Variants in MTHFD1L observed in about 807,000 individuals in gnomAD.
MTHFD1L encodes the protein monofunctional C1-tetrahydrofolate synthase, mitochondrial.
In MTHFD1L, 81 loss-of-function variants were observed where a neutral mutation model predicts 119.5. The ratio of observed to expected loss-of-function variants is 0.68; its 90% CI spans 0.57 to 0.82. The LOEUF (loss-of-function observed/expected upper bound fraction) is 0.82, where lower values mean the gene tolerates loss of function less well. Among genes scored for constraint, MTHFD1L ranks in the 40% least tolerant of loss-of-function variants. The pLI, the probability that MTHFD1L is intolerant of heterozygous loss-of-function variation, is 0.00. For synonymous variants in MTHFD1L, 430 were observed against 475.2 expected, an observed-to-expected ratio of 0.90 and a Z score of 1.24; for missense variants, 1,125 against 1,253.4, an observed-to-expected ratio of 0.90 and a Z score of 1.55.
rs1027877418 is a variant in MTHFD1L at position 151,088,634 on chromosome 6, T to TTTC, written c.2848-3831_2848-3830insCTT. ...ACCACACCCAGCTAATTTTTTTTTTTTTTTTTTTGTATTTGTAGAAGAGAC... is the reference window on the plus strand; with the variant it reads ...ACCACACCCAGCTAATTTTTTTTTTTTTCTTTTTTTTGTATTTGTAGAAGAGAC... On this transcript the variant is annotated intron_variant, in intron 26 of 27. Coordinates refer to ENST00000367321, the MANE Select transcript of MTHFD1L (RefSeq NM_015440.5). Among the ~76,000 whole-genome samples, 41 of 150,822 alleles carry TTTC rather than the reference T, an allele frequency of 2.7e-4. No individual in the cohort carries two copies. The East Asian group carries it at 8.0e-3, about 29-fold the overall frequency.
At chr6:151,026,646 G>A (rs890149763) in intron 24 of MTHFD1L, among the ~76,000 whole-genome samples, 1 of 152,032 alleles carries the variant, frequency 6.6e-6, no homozygotes, top group African/African-American at 2.4e-5. Context: ...AATGACCAAA[G>A]ACACAAGTGT....
intron 26 of MTHFD1L, among the ~76,000 whole-genome samples, chr6:151,049,125 G>A (rs1444854805): frequency 2.0e-5 from 3 of 152,204 alleles, no homozygotes; most frequent in Non-Finnish European, 4.4e-5. Context: ...GGAGACCAAG[G>A]TAGGTGGATC....
chr6:150,995,531 A>AG (rs1491439414), intron 20 of MTHFD1L, among the ~76,000 whole-genome samples: 11 of 145,906 alleles, frequency 7.5e-5, no homozygotes, highest in Non-Finnish European at 1.6e-4. Flanking sequence ...AAAAAAAAAA[A>AG]TGCTTACCGG....
At chr6:151,041,353 G>A (rs113566213) in intron 26 of MTHFD1L, among the ~76,000 whole-genome samples, 23 of 152,332 alleles carry the variant, frequency 1.5e-4, no homozygotes, top group African/African-American at 4.1e-4. Flanking sequence ...TCACCCGTGT[G>A]GGAGACAGGA....
Position 151,079,583 on chromosome 6 carries a change from G to A in MTHFD1L, c.2848-12884G>A, listed in dbSNP as rs1044848525. Among the ~76,000 whole-genome samples, 23 of 152,058 alleles carry A rather than the reference G, an allele frequency of 1.5e-4. No homozygotes were observed. In the East Asian group the frequency reaches 2.5e-3, roughly 17 times the overall value. On this transcript the variant is annotated intron_variant, in intron 26 of 27. Coordinates refer to ENST00000367321, the MANE Select transcript of MTHFD1L (RefSeq NM_015440.5). ...CGGCTCACCGCAACCTCCGCCCCCCGGATTCAAGCAATTCTCCTGCTTCAG... is the reference window on the plus strand; with the variant it reads ...CGGCTCACCGCAACCTCCGCCCCCCAGATTCAAGCAATTCTCCTGCTTCAG...
intron 18 of MTHFD1L, 149 bp from the exon 19 acceptor site, chr6:150,964,820 T>G: frequency 1.7e-6 from 1 of 605,320 alleles, no homozygotes; most frequent in Non-Finnish European, 3.0e-6. Flanking sequence ...TGGGGAGAGG[T>G]GGACAGAGAC....
intron 18 of MTHFD1L, among the ~76,000 whole-genome samples, chr6:150,961,318 TCCTGA>T: frequency 1.3e-5 from 2 of 152,194 alleles, no homozygotes; most frequent in Non-Finnish European, 2.9e-5. Context: ...GGTCTCGAAC[TCCTGA>T]CCTCAGGTGA....
At chr6:151,044,107 C>T (rs1296367172) in intron 26 of MTHFD1L, among the ~76,000 whole-genome samples, 2 of 152,070 alleles carry the variant, frequency 1.3e-5, no homozygotes, top group African/African-American at 4.8e-5. Flanking sequence ...TGGAGAAAGA[C>T]GACTGGTGCT....
At chr6:150,916,221 C>T (rs559002943) in intron 8 of MTHFD1L, among the ~76,000 whole-genome samples, 130 of 149,314 alleles carry the variant, frequency 8.7e-4, no homozygotes, top group African/African-American at 3.0e-3. Context: ...AGGGAGGATG[C>T]AGGCTAAAGT....
chr6:150,911,689 A>G (rs6557100), intron 8 of MTHFD1L, among the ~76,000 whole-genome samples: 19,921 of 152,132 alleles, frequency 0.13, 3,084 homozygotes, highest in African/African-American at 0.37. Context: ...TGATAAAGAC[A>G]TACACGAGAC....
At chr6:150,964,904 C>A in intron 18 of MTHFD1L, 65 bp from the exon 19 acceptor site, 1 of 1,527,988 alleles carries the variant, frequency 6.5e-7, no homozygotes, top group Non-Finnish European at 9.1e-7. Flanking sequence ...AGAGAAGTGC[C>A]AAGGGGTTAA....
chr6:150,878,257 C>CTCT (rs1554225556), intron 4 of MTHFD1L, among the ~76,000 whole-genome samples: 2 of 147,336 alleles, frequency 1.4e-5, no homozygotes, highest in African/African-American at 5.0e-5. Flanking sequence ...CTCTCTCTCT[C>CTCT]TTTTTTTTTT....
chr6:151,036,870 A>G (rs891869032), intron 25 of MTHFD1L, 95 bp from the exon 26 acceptor site: 8 of 1,351,314 alleles, frequency 5.9e-6, no homozygotes, highest in Non-Finnish European at 8.4e-6. Context: ...CTGAGCCGGC[A>G]TACCATTGCT....
chr6:150,927,130 A>C (rs1187874888), intron 11 of MTHFD1L, among the ~76,000 whole-genome samples: 1 of 152,180 alleles, frequency 6.6e-6, no homozygotes, highest in Non-Finnish European at 1.5e-5. Context: ...TTTAATTATT[A>C]ATGTAAGTGC....
intron 12 of MTHFD1L, 42 bp downstream of exon 12, chr6:150,936,982 G>C (rs747457378): frequency 5.6e-6 from 9 of 1,600,442 alleles, no homozygotes; most frequent in Non-Finnish European, 6.8e-6. Flanking sequence ...GGGCAAAGTT[G>C]GGGGGAGAGA....
chr6:150,908,078 T>G (rs1213853583), intron 8 of MTHFD1L, among the ~76,000 whole-genome samples: 1 of 150,948 alleles, frequency 6.6e-6, no homozygotes, highest in Non-Finnish European at 1.5e-5. Flanking sequence ...TTTTTTTTTT[T>G]TGTATTTTTA....
intron 10 of MTHFD1L, among the ~76,000 whole-genome samples, chr6:150,925,634 C>T (rs1184317823): frequency 6.6e-6 from 1 of 152,132 alleles, no homozygotes; most frequent in Non-Finnish European, 1.5e-5. Context: ...AATAGCATTT[C>T]CACATTTTTT....
intron 26 of MTHFD1L, among the ~76,000 whole-genome samples, chr6:151,073,851 A>G (rs914349666): frequency 6.6e-6 from 1 of 152,206 alleles, no homozygotes; most frequent in African/African-American, 2.4e-5. Context: ...GTAGCCAAAA[A>G]TATGTAAAAC....
At chr6:150,866,307 G>C in intron 1 of MTHFD1L, 5 of 1,474,924 alleles carry the variant, frequency 3.4e-6, no homozygotes, top group Non-Finnish European at 4.5e-6. Context: ...TGGGCGCCTA[G>C]CGGCATGGAC....
Sources: gnomAD v4.1 joint callset for allele counts (sites outside exome capture counted in the v4.1 genomes callset) on GRCh38, gnomAD v4.1.1 for gene constraint, MANE v1.5 for transcripts, NCBI Gene and HGNC (gene_info 2026-07-23, HGNC 2026-07-21) for gene names.